Variants in ERGIC1 observed in about 807,000 individuals in gnomAD.
The protein encoded by ERGIC1 is endoplasmic reticulum-golgi intermediate compartment 1.
Under a neutral mutation model 38.3 loss-of-function variants are expected in ERGIC1, and 19 were observed. The ratio of observed to expected loss-of-function variants is 0.50; its 90% CI spans 0.35 to 0.73. ERGIC1 has a LOEUF of 0.73. Among genes scored for constraint, ERGIC1 ranks in the 30% least tolerant of loss-of-function variants. The pLI, the probability that ERGIC1 is intolerant of heterozygous loss-of-function variation, is 0.01. For synonymous variants in ERGIC1, 124 were observed against 157.6 expected (o/e 0.79, Z 1.60); for missense variants, 294 against 389.2 (o/e 0.76, Z 2.06).
intron 9 of ERGIC1, 162 bp downstream of exon 9, chr5:172,935,472 T>C: frequency 1.2e-6 from 1 of 830,532 alleles, no homozygotes; most frequent in Non-Finnish European, 1.8e-6. Flanking sequence ...CCAAGGATGC[T>C]GAGAAATGTT....
At chr5:172,884,064 T>C (rs116355538) in intron 1 of ERGIC1, among the ~76,000 whole-genome samples, 120 of 152,262 alleles carry the variant, frequency 7.9e-4, no homozygotes, top group African/African-American at 2.6e-3. Flanking sequence ...AAGCGTTTTC[T>C]GGGGGAAGTG....
intron 5 of ERGIC1, among the ~76,000 whole-genome samples, chr5:172,920,806 C>T (rs984960467): frequency 2.6e-5 from 4 of 152,256 alleles, no homozygotes; most frequent in African/African-American, 9.6e-5. Flanking sequence ...GGCCCTGTGT[C>T]ACTGCGTAGA....
chr5:172,857,874 G>C (rs578228398), intron 1 of ERGIC1, among the ~76,000 whole-genome samples: 1 of 151,814 alleles, frequency 6.6e-6, no homozygotes, highest in Admixed American at 6.6e-5. Context: ...CTGTTCATTC[G>C]CTCATTCATT....
At chr5:172,893,691 G>A (rs1163808505) in intron 2 of ERGIC1, among the ~76,000 whole-genome samples, 1 of 151,456 alleles carries the variant, frequency 6.6e-6, no homozygotes. Flanking sequence ...ATCTCTTCCA[G>A]TGGATTTGTT....
At chr5:172,871,796 C>T (rs1299484067) in intron 1 of ERGIC1, among the ~76,000 whole-genome samples, 1 of 152,190 alleles carries the variant, frequency 6.6e-6, no homozygotes, top group East Asian at 1.9e-4. Context: ...TAACACACAG[C>T]CAAAGACAGA....
intron 1 of ERGIC1, among the ~76,000 whole-genome samples, chr5:172,879,438 C>T (rs771763548): frequency 3.9e-5 from 6 of 152,180 alleles, no homozygotes; most frequent in Non-Finnish European, 8.8e-5. Context: ...TATCCTAAGG[C>T]GTGAGGAAGC....
intron 4 of ERGIC1, among the ~76,000 whole-genome samples, chr5:172,914,167 G>A (rs899913436): frequency 3.3e-5 from 5 of 150,420 alleles, no homozygotes; most frequent in East Asian, 1.9e-4. Context: ...TGCAGGAGGC[G>A]GAGGTTGCAG....
In ERGIC1 at chr5:172,924,123, A is replaced by G; in HGVS notation, c.480+14A>G. On this transcript the variant is annotated intron_variant, in intron 6 of 9. Coordinates refer to ENST00000393784, the MANE Select transcript of ERGIC1 (RefSeq NM_001031711.3). ...GACACGCTACAGGTGAGCAGGGGAC[A>G]CTCGAGATGGCATGGCCGGGGGTGG... The G allele has an allele frequency of 1.1e-5, 18 of 1,612,912 alleles. No individual in the cohort carries two copies. The highest frequency in any genetic ancestry group is 1.5e-5 in the Non-Finnish European group (18 of 1,179,254).
intron 5 of ERGIC1, chr5:172,920,381 AG>A (rs1482435691): frequency 1.4e-6 from 1 of 717,832 alleles, no homozygotes; most frequent in African/African-American, 1.7e-5. Context: ...ACCAGCAGCC[AG>A]ATGTCAGAGT....
chr5:172,920,334 T>G, intron 5 of ERGIC1: 1 of 717,788 alleles, frequency 1.4e-6, no homozygotes, highest in Non-Finnish European at 2.6e-6. Flanking sequence ...GGCTGAGACT[T>G]GTCCCATGGC....
intron 1 of ERGIC1, among the ~76,000 whole-genome samples, chr5:172,859,345 GCTC>G (rs1465292339): frequency 6.6e-6 from 1 of 152,134 alleles, no homozygotes; most frequent in African/African-American, 2.4e-5. Context: ...GAACCTTTGA[GCTC>G]CGTGTGAATG....
intron 6 of ERGIC1, 65 bp downstream of exon 6, chr5:172,924,174 GC>G: frequency 7.0e-7 from 1 of 1,434,344 alleles, no homozygotes; most frequent in Non-Finnish European, 9.7e-7. Context: ...GTCACCCAGT[GC>G]CCTCTGCCCT....
At chr5:172,920,677 C>T (rs1475909653) in intron 5 of ERGIC1, 9 of 521,384 alleles carry the variant, frequency 1.7e-5, no homozygotes, top group South Asian at 6.3e-5. Flanking sequence ...CAGCCTCGCA[C>T]GGCCCGGCAG....
At chr5:172,893,901 A>G (rs374615693) in intron 2 of ERGIC1, among the ~76,000 whole-genome samples, 1,384 of 13,408 alleles carry the variant, frequency 0.1, 63 homozygotes, top group Non-Finnish European at 0.25. Context: ...ATATATATAT[A>G]TATATGTGTG....
At chr5:172,855,491 A>G (rs1356413510) in intron 1 of ERGIC1, among the ~76,000 whole-genome samples, 1 of 152,212 alleles carries the variant, frequency 6.6e-6, no homozygotes, top group Non-Finnish European at 1.5e-5. Context: ...CCCCACAGAC[A>G]TGGTCCCCAC....
intron 1 of ERGIC1, among the ~76,000 whole-genome samples, chr5:172,848,603 G>C (rs1761333894): frequency 6.6e-6 from 1 of 152,138 alleles, no homozygotes. Flanking sequence ...CTTCCTTATG[G>C]AGTCTGAGTC....
rs1434350074 is a variant in ERGIC1, at chr5:172,846,210, G to T, written c.20+11777G>T. 6.6e-6 allele frequency among the ~76,000 whole-genome samples: 1 copy of T among 152,066 alleles called. No individual in the cohort carries two copies. Among genetic ancestry groups the T allele is most frequent in the Non-Finnish European group, 1.5e-5 (1 of 67,994 alleles). ...CTTTCTCCCCCTCCCCCAATCCCCT[G>T]CACCCATCATTCCTGTAAAGTGACC... On this transcript the variant is annotated intron_variant, in intron 1 of 9. Transcript: ENST00000393784. The surrounding 1 kb of genome is among the most constrained non-coding windows in gnomAD (Gnocchi z 4.0).
intron 1 of ERGIC1, among the ~76,000 whole-genome samples, chr5:172,886,965 T>C (rs1762438585): frequency 6.6e-6 from 1 of 152,118 alleles, no homozygotes; most frequent in Non-Finnish European, 1.5e-5. Flanking sequence ...AGCCCCAGCT[T>C]CTAGTACCCT....
At chr5:172,888,377 T>G (rs990499933) in intron 1 of ERGIC1, among the ~76,000 whole-genome samples, 8 of 152,092 alleles carry the variant, frequency 5.3e-5, no homozygotes, top group Admixed American at 2.0e-4. Flanking sequence ...CGAGACTCAC[T>G]TGAACCTGGG....
Sources: allele counts gnomAD v4.1 joint callset (sites outside exome capture counted in the v4.1 genomes callset), GRCh38; gene constraint gnomAD v4.1.1; non-coding constraint Gnocchi (gnomAD v3.1); transcripts MANE v1.5; gene names NCBI Gene and HGNC (gene_info 2026-07-23, HGNC 2026-07-21).